Variants in IQCH observed in about 807,000 individuals in gnomAD.
IQCH encodes the protein IQ motif containing H, also known as IQ domain-containing protein H.
In IQCH, 98 loss-of-function variants were observed where a neutral mutation model predicts 117.0. The observed-to-expected ratio is 0.84, with a 90% CI of 0.71 to 0.99. The LOEUF (loss-of-function observed/expected upper bound fraction) is 0.99, where lower values mean the gene tolerates loss of function less well. IQCH is among the 50% of genes least tolerant of loss of function. IQCH has a pLI of 0.00. For missense variants in IQCH, 1,102 were observed against 1,243.8 expected (o/e 0.89, Z 1.72); for synonymous variants, 412 against 448.2 (o/e 0.92, Z 1.02).
At chr15:67,402,980 GCTCATGCCTGTAAT>G (rs758963443) in intron 14 of IQCH, among the ~76,000 whole-genome samples, 12 of 152,200 alleles carry the variant, frequency 7.9e-5, no homozygotes, top group Non-Finnish European at 1.6e-4. Flanking sequence ...GGGCATGGTG[GCTCATGCCTGTAAT>G]CCTAGCACTC....
intron 9 of IQCH, 133 bp downstream of exon 9, chr15:67,372,795 T>C: frequency 2.9e-6 from 2 of 688,956 alleles, no homozygotes; most frequent in Non-Finnish European, 4.9e-6. Context: ...CCCACGCCTT[T>C]CACTCCCCTC....
chr15:67,328,017 G>T (rs1294692984), intron 4 of IQCH, among the ~76,000 whole-genome samples: 1 of 152,086 alleles, frequency 6.6e-6, no homozygotes, highest in Non-Finnish European at 1.5e-5. Context: ...GTACTTCCAG[G>T]CCAGAAATTA....
In IQCH at chr15:67,365,889, C is replaced by T. The variant is rs545132607; in HGVS notation, c.753+6004C>T. On this transcript the variant is annotated intron_variant, in intron 8 of 20. Coordinates refer to ENST00000335894, the MANE Select transcript of IQCH (RefSeq NM_001031715.3). The surrounding 1 kb of genome is among the most constrained non-coding windows in gnomAD (Gnocchi z 4.4). The stretch of plus-strand genomic sequence containing the variant: ...AGGTTGCAGTGAGCTGAGATTGCAC[C>T]ACTGCACACTAGCCTGGGCAGCAGA... Among the ~76,000 whole-genome samples, 1 of 152,136 alleles carries T rather than the reference C, an allele frequency of 6.6e-6. No individual in the cohort carries two copies. Among genetic ancestry groups the T allele is most frequent in the South Asian group, 2.1e-4 (1 of 4,814 alleles).
Position 67,416,803 on chromosome 15 carries a change from T to G in IQCH, c.2098-128T>G. On this transcript the variant is annotated intron_variant, in intron 14 of 20. Transcript: ENST00000335894. This position sits in a 1 kb window ranked among gnomAD's most constrained non-coding sequence, Gnocchi z 5.1. ...AAGAGAGAACATTTTCAAAATGGCT[T>G]TCTGACTCTGGGTAAACAGTAACCA... 1 of 630,016 alleles carries G rather than the reference T, an allele frequency of 1.6e-6. No homozygotes were observed. Among genetic ancestry groups the G allele is most frequent in the Non-Finnish European group, 2.4e-6 (1 of 414,208 alleles). The allele number at this position is 630,016 out of a possible 1,614,324, so 39.0% of individuals were successfully genotyped here.
rs1319293628 is a variant in IQCH, at chr15:67,441,162, A to T, written c.2505+19585A>T. On this transcript the variant is annotated intron_variant, in intron 16 of 20. Transcript: ENST00000335894. ...AAAAAAAAAAAAAAAAAGAGTACTTAGGAATATACCTAACCAAGGAGTCAA... is the reference window on the plus strand; with the variant it reads ...AAAAAAAAAAAAAAAAAGAGTACTTTGGAATATACCTAACCAAGGAGTCAA... Among the ~76,000 whole-genome samples, 9 of 140,464 alleles carry T rather than the reference A, an allele frequency of 6.4e-5. 1 individual carries two copies. The East Asian group carries it at 1.8e-3, about 29-fold the overall frequency. The allele number at this position is 140,464 out of a possible 152,430, so 92.1% of individuals were successfully genotyped here. A position where few individuals can be genotyped will look rare whatever the true frequency, so the allele number is the denominator to read the frequency against.
chr15:67,334,850 G>T (rs80024067), intron 4 of IQCH, among the ~76,000 whole-genome samples: 1 of 152,170 alleles, frequency 6.6e-6, no homozygotes, highest in Non-Finnish European at 1.5e-5. Context: ...AATGCTCAGC[G>T]TGTTAAAGTT....
At chr15:67,361,938 A>G (rs1410866712) in intron 8 of IQCH, among the ~76,000 whole-genome samples, 2 of 152,166 alleles carry the variant, frequency 1.3e-5, no homozygotes, top group Non-Finnish European at 2.9e-5. Flanking sequence ...CTATGTTAAG[A>G]TTCACTCAAT....
In IQCH at chr15:67,265,760, C is replaced by T. The variant is rs118191414; in HGVS notation, c.269+2544C>T. On this transcript the variant is annotated intron_variant, in intron 3 of 20. Coordinates refer to ENST00000335894, the MANE Select transcript of IQCH (RefSeq NM_001031715.3). ...ACCTGGTTCTGCACTTGCCCCAAGA[C>T]GCTGTCATGAATAGACTTGGCTTCA... Among the ~76,000 whole-genome samples, 114 of 152,288 alleles carry T rather than the reference C, an allele frequency of 7.5e-4. No individual in the cohort carries two copies. The East Asian group carries it at 0.018, about 23-fold the overall frequency.
chr15:67,265,691 G>T (rs1432195872), intron 3 of IQCH, among the ~76,000 whole-genome samples: 1 of 152,138 alleles, frequency 6.6e-6, no homozygotes, highest in East Asian at 1.9e-4. Context: ...CCCAGAGATG[G>T]GAGACTATGG....
chr15:67,272,743 T>C (rs1414433483), intron 3 of IQCH, among the ~76,000 whole-genome samples: 1 of 152,358 alleles, frequency 6.6e-6, no homozygotes, highest in South Asian at 2.1e-4. Flanking sequence ...TAATTACTCC[T>C]CTTTTTGAGT....
Position 67,475,968 on chromosome 15 carries a change from A to G in IQCH, c.2799+150A>G. On this transcript the variant is annotated intron_variant, in intron 18 of 20. Transcript: ENST00000335894. This position sits in a 1 kb window ranked among gnomAD's most constrained non-coding sequence, Gnocchi z 5.7. ...GAAGGCTGATTGCTGCTTGGGGAAG[A>G]GCAGATACGCAACTCCACAGAAAGT... 5.9e-6 allele frequency: 4 copies of G among 682,848 alleles called. No individual in the cohort carries two copies. The highest frequency in any genetic ancestry group is 5.4e-5 in the East Asian group (2 of 36,908). 42.3% of individuals were successfully genotyped at this position (682,848 alleles called of 1,614,324 possible).
Position 67,395,577 on chromosome 15 carries a change from A to G in IQCH, c.1905+14A>G, listed in dbSNP as rs1291646309. 6.2e-7 allele frequency: 1 copy of G among 1,611,478 alleles called. No individual in the cohort carries two copies. The highest frequency in any genetic ancestry group is 8.5e-7 in the Non-Finnish European group (1 of 1,178,084). ...AGTCAGCAACAGGTATGTGGGGTGG[A>G]CAAGTGAAGCTCTGTTCAAATATTT... is the stretch of plus-strand genomic sequence containing the variant. On this transcript the variant is annotated intron_variant, in intron 13 of 20. Coordinates refer to ENST00000335894, the MANE Select transcript of IQCH (RefSeq NM_001031715.3). The surrounding 1 kb of genome is among the most constrained non-coding windows in gnomAD (Gnocchi z 4.0).
In IQCH at chr15:67,475,769, A is replaced by G. The variant is rs771850036; in HGVS notation, c.2750A>G (p.Tyr917Cys). The G allele has an allele frequency of 5.6e-6, 9 of 1,614,092 alleles. No homozygotes were observed. Among genetic ancestry groups the G allele is most frequent in the African/African-American group, 4.0e-5 (3 of 75,042 alleles). The change falls in exon 18 of 21, where the codon TAT becomes TGT. Residue 917 changes from tyrosine (Y) to cysteine (C), a missense_variant. Tyr to Cys is a radical substitution (Grantham distance 194). Transcript: ENST00000335894. The surrounding 1 kb of genome is among the most constrained non-coding windows in gnomAD (Gnocchi z 5.7). ...AGCAATCTCTCACTGGTTTTCCACT[A>G]TGTTTTTCTCCAGATCTGTAGGGCC... ...RHSNLSLVFH[Y>C]VFLQICRAHG... is the part of the protein sequence containing the mutation.
intron 14 of IQCH, among the ~76,000 whole-genome samples, chr15:67,409,434 G>T (rs1460587147): frequency 6.6e-6 from 1 of 152,190 alleles, no homozygotes. Context: ...TCTAGTGTTT[G>T]TGGTCGGGGG....
chr15:67,371,683 A>G (rs958337207), intron 8 of IQCH: 1 of 547,250 alleles, frequency 1.8e-6, no homozygotes, highest in African/African-American at 2.0e-5. Flanking sequence ...ATCCTAAGGA[A>G]TGCGAAGAAA....
Position 67,372,275 on chromosome 15 carries a change from G to A in IQCH, c.918G>A (p.Glu306=). 1 of 1,614,060 alleles carries A rather than the reference G, an allele frequency of 6.2e-7. No homozygotes were observed. The highest frequency in any genetic ancestry group is 1.1e-5 in the South Asian group (1 of 91,076). Residue 306 remains glutamate (E), a synonymous_variant, in exon 9 of 21, where the codon GAG becomes GAA. Transcript: ENST00000335894. ...TTTTTTCTCTCTTGGAACACGTCGA[G>A]AAGTTTCTCAGGAACTATGCTATAC... ...GGIFSLLEHV[E]KFLRNYAIPE... is the part of the protein sequence containing the mutation.
rs749936385 is a variant in IQCH at position 67,489,036 on chromosome 15, A to AT, written c.2800-951dup. Among the ~76,000 whole-genome samples, 790 of 143,384 alleles carry AT rather than the reference A, an allele frequency of 5.5e-3. 9 individuals carry two copies. Among genetic ancestry groups the AT allele is most frequent in the African/African-American group, 0.015 (610 of 39,448 alleles). The allele number at this position is 143,384 out of a possible 152,430, so 94.1% of individuals were successfully genotyped here. A position where few individuals can be genotyped will look rare whatever the true frequency, so the allele number is the denominator to read the frequency against. On this transcript the variant is annotated intron_variant, in intron 18 of 20. Transcript: ENST00000335894. ...AATTGCTACCATATATACATATATA[A>AT]TTTTTTTTTTTTTTTTAGACGGAGT...
chr15:67,294,701 C>T (rs1291642716), intron 4 of IQCH, among the ~76,000 whole-genome samples: 1 of 152,296 alleles, frequency 6.6e-6, no homozygotes, highest in East Asian at 1.9e-4. Context: ...GAACTGGGCC[C>T]CCAGTGGCTT....
At position 67,390,833 on chromosome 15, in the gene IQCH, A is replaced by T. The variant is rs756800410; in HGVS notation, c.1632+1827A>T. ...CAGAAGAATGCATCAAGATGGAAAG[A>T]TAGCTCTTTTTACCTATCTCCGTTT... On this transcript the variant is annotated intron_variant, in intron 12 of 20. Transcript: ENST00000335894. This position sits in a 1 kb window ranked among gnomAD's most constrained non-coding sequence, Gnocchi z 5.0. Among the ~76,000 whole-genome samples, 9 of 152,208 alleles carry T rather than the reference A, an allele frequency of 5.9e-5. No homozygotes were observed.
Sources: gnomAD v4.1 joint callset for allele counts (sites outside exome capture counted in the v4.1 genomes callset) on GRCh38, gnomAD v4.1.1 for gene constraint, Gnocchi (gnomAD v3.1) non-coding constraint, MANE v1.5 for transcripts, NCBI Gene and HGNC (gene_info 2026-07-23, HGNC 2026-07-21) for gene names.